The following MAML3 variants were observed in gnomAD, a reference collection of about 807,000 sequenced individuals.
MAML3 encodes the protein mastermind like transcriptional coactivator 3.
MAML3 carries 27 observed loss-of-function variants against 101.9 expected under a neutral mutation model. That is an observed-to-expected ratio of 0.27 (90% CI 0.20 to 0.37). The LOEUF (loss-of-function observed/expected upper bound fraction) is 0.37, where lower values mean the gene tolerates loss of function less well. MAML3 is among the 10% of genes least tolerant of loss of function. MAML3 has a pLI of 1.00. For synonymous variants in MAML3, 501 were observed against 555.9 expected (o/e 0.90, Z 1.39); for missense variants, 1,316 against 1,444.9 (o/e 0.91, Z 1.45).
At chr4:139,934,873 T>C (rs756464586) in intron 1 of MAML3, among the ~76,000 whole-genome samples, 1 of 152,182 alleles carries the variant, frequency 6.6e-6, no homozygotes. Context: ...AAATAAACCC[T>C]AAGGCATAGA....
At chr4:139,865,484 G>T in intron 2 of MAML3, among the ~76,000 whole-genome samples, 1 of 97,928 alleles carries the variant, frequency 1.0e-5, no homozygotes, top group African/African-American at 8.8e-5. Context: ...CTCTGTAAAA[G>T]GTTTTTTTTT....
intron 2 of MAML3, among the ~76,000 whole-genome samples, chr4:139,776,343 G>A (rs1041603061): frequency 6.6e-6 from 1 of 152,156 alleles, no homozygotes; most frequent in Admixed American, 6.5e-5. Flanking sequence ...AATGGCTCCT[G>A]TCGTGATACA....
intron 1 of MAML3, among the ~76,000 whole-genome samples, chr4:140,130,891 T>C (rs6536709): frequency 0.32 from 48,931 of 151,872 alleles, 9,769 homozygotes; most frequent in Non-Finnish European, 0.44. Flanking sequence ...CACTCACCCA[T>C]AAGCAACACA....
intron 1 of MAML3, among the ~76,000 whole-genome samples, chr4:140,030,671 C>T (rs970648723): frequency 4.6e-5 from 7 of 152,182 alleles, no homozygotes; most frequent in African/African-American, 1.7e-4. Context: ...TCCTCCCTCC[C>T]TTTTTGGCTC....
chr4:140,086,124 C>G (rs2110975060), intron 1 of MAML3, among the ~76,000 whole-genome samples: 1 of 152,264 alleles, frequency 6.6e-6, no homozygotes, highest in Middle Eastern at 3.4e-3. Context: ...GTTTGTTTTC[C>G]AATTTAAGAG....
At chr4:140,151,470 G>A (rs994122088) in intron 1 of MAML3, among the ~76,000 whole-genome samples, 3 of 152,006 alleles carry the variant, frequency 2.0e-5, no homozygotes, top group Admixed American at 6.5e-5. Flanking sequence ...CCGAGCCCCC[G>A]GCGAAAGCCC....
chr4:139,912,020 A>G (rs1397539656), intron 1 of MAML3, among the ~76,000 whole-genome samples: 1 of 152,242 alleles, frequency 6.6e-6, no homozygotes, highest in East Asian at 1.9e-4. Context: ...ATGTGGGTAT[A>G]CAAATATCTC....
At chr4:139,997,594 T>C (rs189099549) in intron 1 of MAML3, among the ~76,000 whole-genome samples, 2 of 152,210 alleles carry the variant, frequency 1.3e-5, no homozygotes. Context: ...ATAAGATAAA[T>C]ATAATTATAT....
In MAML3 at chr4:140,011,570, T is replaced by C. The variant is rs1201834123; in HGVS notation, c.469-120603A>G. On this transcript the variant is annotated intron_variant, in intron 1 of 4. Transcript: ENST00000509479. ...CTTGTTAGCCAGGATGGTCTCGATC[T>C]CCTGACCTCATGATCCACCCGCCTC... 2.0e-5 allele frequency among the ~76,000 whole-genome samples: 3 copies of C among 151,232 alleles called. No homozygotes were observed. The East Asian group carries it at 5.9e-4, about 30-fold the overall frequency.
intron 2 of MAML3, among the ~76,000 whole-genome samples, chr4:139,739,519 A>G (rs1003084949): frequency 1.6e-4 from 25 of 152,220 alleles, no homozygotes; most frequent in Non-Finnish European, 2.9e-4. Flanking sequence ...ATTGGTTAAA[A>G]GTTCATTAGT....
chr4:139,875,259 G>A (rs187434081), intron 2 of MAML3, among the ~76,000 whole-genome samples: 178 of 152,262 alleles, frequency 1.2e-3, no homozygotes, highest in African/African-American at 3.9e-3. Context: ...CCCTCCCTAC[G>A]AAGGCAGCTC....
At chr4:140,119,627 CT>C (rs368962653) in intron 1 of MAML3, among the ~76,000 whole-genome samples, 203 of 138,080 alleles carry the variant, frequency 1.5e-3, no homozygotes, top group African/African-American at 4.4e-3. Context: ...TCCTCCCTTC[CT>C]TTTTTTTTTT....
chr4:139,745,932 T>C (rs949828288), intron 2 of MAML3, among the ~76,000 whole-genome samples: 7 of 152,312 alleles, frequency 4.6e-5, no homozygotes, highest in African/African-American at 1.7e-4. Context: ...AAGAAACCTT[T>C]TAGTTTTTGT....
intron 1 of MAML3, among the ~76,000 whole-genome samples, chr4:139,910,147 A>G (rs993116025): frequency 6.6e-6 from 1 of 152,192 alleles, no homozygotes; most frequent in African/African-American, 2.4e-5. Context: ...GTAACCAAGT[A>G]ATTCACTGAG....
chr4:139,871,597 C>T (rs998167595), intron 2 of MAML3, among the ~76,000 whole-genome samples: 9 of 152,202 alleles, frequency 5.9e-5, no homozygotes, highest in Admixed American at 5.2e-4. Flanking sequence ...TTTTCAGAAA[C>T]CTACAATGAC....
At chr4:139,809,928 T>C (rs1435713578) in intron 2 of MAML3, among the ~76,000 whole-genome samples, 2 of 151,332 alleles carry the variant, frequency 1.3e-5, no homozygotes, top group Non-Finnish European at 2.9e-5. Flanking sequence ...ATAATAAAGC[T>C]TTGTAGATGA....
rs1727089784 is a variant in MAML3, at chr4:140,041,756, C to T, written c.468+111104G>A. ...ACTGGAGGAATGATCTTACCTCTAGCATGTTTAACATGGGGAAAATATTTT... is the reference window on the plus strand; with the variant it reads ...ACTGGAGGAATGATCTTACCTCTAGTATGTTTAACATGGGGAAAATATTTT... On this transcript the variant is annotated intron_variant, in intron 1 of 4. Coordinates refer to ENST00000509479, the MANE Select transcript of MAML3 (RefSeq NM_018717.5). 2.0e-5 allele frequency among the ~76,000 whole-genome samples: 3 copies of T among 152,136 alleles called. No individual in the cohort carries two copies. The South Asian group carries it at 6.2e-4, about 32-fold the overall frequency.
At chr4:139,912,242 G>A (rs1037547504) in intron 1 of MAML3, among the ~76,000 whole-genome samples, 1 of 152,184 alleles carries the variant, frequency 6.6e-6, no homozygotes, top group Non-Finnish European at 1.5e-5. Context: ...AACAAATGTG[G>A]GGGAGAGATT....
intron 2 of MAML3, among the ~76,000 whole-genome samples, chr4:139,732,109 G>C (rs1333620086): frequency 6.6e-6 from 1 of 152,192 alleles, no homozygotes; most frequent in Non-Finnish European, 1.5e-5. Flanking sequence ...TAAATAGCAA[G>C]AAGCAAATGT....
Sources: allele counts gnomAD v4.1 joint callset (sites outside exome capture counted in the v4.1 genomes callset), GRCh38; gene constraint gnomAD v4.1.1; transcripts MANE v1.5; gene names NCBI Gene and HGNC (gene_info 2026-07-23, HGNC 2026-07-21).